Variants in ATRNL1 observed in about 807,000 individuals in gnomAD.
The protein encoded by ATRNL1 is attractin-like protein 1.
In ATRNL1, 95 loss-of-function variants were observed where a neutral mutation model predicts 182.7. That is an observed-to-expected ratio of 0.52 (90% CI 0.44 to 0.62). The LOEUF is 0.62. Ranked by LOEUF, ATRNL1 falls within the 20% of genes least tolerant of loss-of-function variation. ATRNL1 has a pLI of 0.00. For missense variants in ATRNL1, 1,471 were observed against 1,679.5 expected (o/e 0.88, Z 2.17); for synonymous variants, 576 against 568.3 (o/e 1.01, Z -0.19).
intron 21 of ATRNL1, among the ~76,000 whole-genome samples, chr10:115,448,225 G>A (rs1007186352): frequency 6.6e-6 from 1 of 152,012 alleles, no homozygotes; most frequent in East Asian, 1.9e-4. Context: ...TGTTAAAAAT[G>A]ACATTTATAC....
At chr10:115,150,108 C>G (rs1846152279) in intron 5 of ATRNL1, among the ~76,000 whole-genome samples, 1 of 151,860 alleles carries the variant, frequency 6.6e-6, no homozygotes, top group Non-Finnish European at 1.5e-5. Context: ...TGGATTTTCT[C>G]TATGTTTTCC....
chr10:115,625,837 T>C (rs1555024485), intron 26 of ATRNL1, among the ~76,000 whole-genome samples: 1 of 152,126 alleles, frequency 6.6e-6, no homozygotes, highest in African/African-American at 2.4e-5. Context: ...AAACTCTTCT[T>C]TCTCTAGATG....
chr10:115,786,174 CAT>C (rs1446588470), intron 27 of ATRNL1, among the ~76,000 whole-genome samples: 1 of 152,176 alleles, frequency 6.6e-6, no homozygotes, highest in African/African-American at 2.4e-5. Flanking sequence ...CTTTTCCTAT[CAT>C]ATGCTTCATA....
At chr10:115,666,645 G>T (rs1555039760) in intron 26 of ATRNL1, among the ~76,000 whole-genome samples, 1 of 152,084 alleles carries the variant, frequency 6.6e-6, no homozygotes, top group East Asian at 1.9e-4. Context: ...GCAACATATG[G>T]CTATTTAAAG....
At chr10:115,333,717 C>A (rs1298870186) in intron 18 of ATRNL1, among the ~76,000 whole-genome samples, 1 of 152,128 alleles carries the variant, frequency 6.6e-6, no homozygotes, top group South Asian at 2.1e-4. Flanking sequence ...AAACTCCTCA[C>A]CTCAAGTGAT....
At chr10:115,318,727 C>T (rs1425242943) in intron 18 of ATRNL1, among the ~76,000 whole-genome samples, 2 of 152,002 alleles carry the variant, frequency 1.3e-5, no homozygotes, top group African/African-American at 4.8e-5. Context: ...TCTGTGGGGT[C>T]AGTGGTCATA....
At chr10:115,180,821 A>G (rs1281044885) in intron 8 of ATRNL1, among the ~76,000 whole-genome samples, 1 of 152,036 alleles carries the variant, frequency 6.6e-6, no homozygotes, top group Non-Finnish European at 1.5e-5. Context: ...GTGTGCCCTT[A>G]CCTGAGAAAT....
intron 24 of ATRNL1, among the ~76,000 whole-genome samples, chr10:115,500,992 G>A (rs1212060235): frequency 1.4e-5 from 2 of 141,006 alleles, no homozygotes; most frequent in Admixed American, 7.5e-5. Flanking sequence ...GCAATGGTGC[G>A]AGCTCCACTT....
intron 26 of ATRNL1, among the ~76,000 whole-genome samples, chr10:115,603,452 G>A (rs11197339): frequency 0.49 from 74,697 of 151,714 alleles, 19,274 homozygotes; most frequent in African/African-American, 0.6. Flanking sequence ...CATTAGAGCA[G>A]ACGATGCTCC....
chr10:115,621,254 A>AGTATATATAT (rs1857724139), intron 26 of ATRNL1, among the ~76,000 whole-genome samples: 1 of 71,308 alleles, frequency 1.4e-5, no homozygotes, highest in Non-Finnish European at 2.3e-5. Flanking sequence ...TTGAGCTCTG[A>AGTATATATAT]ATATATATAT....
At chr10:115,873,884 G>A (rs1951640021) in intron 28 of ATRNL1, among the ~76,000 whole-genome samples, 1 of 152,128 alleles carries the variant, frequency 6.6e-6, no homozygotes, top group Admixed American at 6.6e-5. Context: ...TCTCTAAGAA[G>A]GCTTTCAATA....
At chr10:115,563,683 C>T (rs1853897931) in intron 26 of ATRNL1, among the ~76,000 whole-genome samples, 1 of 152,168 alleles carries the variant, frequency 6.6e-6, no homozygotes, top group South Asian at 2.1e-4. Flanking sequence ...AGTCATTTAA[C>T]AATACATAGT....
At chr10:115,452,701 A>T (rs556856384) in intron 21 of ATRNL1, among the ~76,000 whole-genome samples, 1 of 152,188 alleles carries the variant, frequency 6.6e-6, no homozygotes, top group Non-Finnish European at 1.5e-5. Context: ...CTTAAAACTT[A>T]ATATAAGACC....
chr10:115,750,153 A>C (rs542722874), intron 27 of ATRNL1, among the ~76,000 whole-genome samples: 1 of 151,936 alleles, frequency 6.6e-6, no homozygotes, highest in African/African-American at 2.4e-5. Context: ...TCAAATCCTC[A>C]TGGGCAAGGA....
intron 13 of ATRNL1, among the ~76,000 whole-genome samples, chr10:115,274,125 C>A (rs1159057193): frequency 6.6e-6 from 1 of 152,142 alleles, no homozygotes; most frequent in East Asian, 1.9e-4. Flanking sequence ...CCTATAGGGG[C>A]CTGCCAAAGG....
intron 24 of ATRNL1, among the ~76,000 whole-genome samples, chr10:115,497,119 C>G (rs1237224625): frequency 1.3e-5 from 2 of 152,100 alleles, no homozygotes; most frequent in Non-Finnish European, 2.9e-5. Flanking sequence ...AGTCTAAAAG[C>G]TCTAAGATGT....
chr10:115,144,941 T>C (rs1212827015), intron 5 of ATRNL1, among the ~76,000 whole-genome samples: 1 of 152,166 alleles, frequency 6.6e-6, no homozygotes, highest in African/African-American at 2.4e-5. Context: ...GATTAATATT[T>C]ATATATTAGG....
chr10:115,192,114 GCCCA>G (rs1848192733), intron 8 of ATRNL1, among the ~76,000 whole-genome samples: 1 of 151,816 alleles, frequency 6.6e-6, no homozygotes, highest in African/African-American at 2.4e-5. Context: ...TGATGCCTTT[GCCCA>G]TTTTTTGCTT....
intron 19 of ATRNL1, among the ~76,000 whole-genome samples, chr10:115,358,849 A>G (rs2134149193): frequency 6.6e-6 from 1 of 151,630 alleles, no homozygotes; most frequent in African/African-American, 2.4e-5. Flanking sequence ...TTGCACATCC[A>G]TTGTCCTACT....
Sources: gnomAD v4.1 joint callset for allele counts (sites outside exome capture counted in the v4.1 genomes callset) on GRCh38, gnomAD v4.1.1 for gene constraint, MANE v1.5 for transcripts, NCBI Gene and HGNC (gene_info 2026-07-23, HGNC 2026-07-21) for gene names.